The following PPAT variants were observed in gnomAD, a reference collection of about 807,000 sequenced individuals.
PPAT encodes the protein amidophosphoribosyltransferase.
A neutral mutation model predicts 60.2 loss-of-function variants in PPAT; 20 were observed. The ratio of observed to expected loss-of-function variants is 0.33; its 90% CI spans 0.23 to 0.48. PPAT has a LOEUF of 0.48. Ranked by LOEUF, PPAT falls within the 20% of genes least tolerant of loss-of-function variation. The probability of loss-of-function intolerance (pLI) is 0.99; values close to 1 mark genes in which losing one functional copy is unlikely to be tolerated. For missense variants in PPAT, 349 were observed against 629.6 expected, an observed-to-expected ratio of 0.55 and a Z score of 4.77; for synonymous variants, 194 against 215.1, an observed-to-expected ratio of 0.90 and a Z score of 0.86.
chr4:56,432,775 G>A (rs1407239008), intron 1 of PPAT, among the ~76,000 whole-genome samples: 7 of 132,946 alleles, frequency 5.3e-5, no homozygotes, highest in Non-Finnish European at 6.4e-5. Context: ...GGGAGACAGC[G>A]AGACTCTGTC....
chr4:56,420,844 C>T (rs1323998943), intron 1 of PPAT: 2 of 152,178 alleles, frequency 1.3e-5, no homozygotes, highest in Admixed American at 6.5e-5. Context: ...ACAGTACATA[C>T]ACACTAAGAC....
At chr4:56,434,698 TTTCCAGATGCACTG>T (rs1717801886) in intron 1 of PPAT, among the ~76,000 whole-genome samples, 1 of 152,238 alleles carries the variant, frequency 6.6e-6, no homozygotes, top group South Asian at 2.1e-4. Context: ...CAATGAATCT[TTTCCAGATGCACTG>T]TTCCCTATGG....
intron 1 of PPAT, 144 bp from the exon 2 acceptor site, chr4:56,407,860 A>G: frequency 4.7e-6 from 3 of 640,476 alleles, no homozygotes; most frequent in Non-Finnish European, 5.7e-6. Context: ...CACTACTTCT[A>G]TTGATGATGC....
At chr4:56,401,769 A>G (rs1716118234) in intron 6 of PPAT, among the ~76,000 whole-genome samples, 1 of 152,112 alleles carries the variant, frequency 6.6e-6, no homozygotes, top group Admixed American at 6.5e-5. Flanking sequence ...CCTGGCTTAC[A>G]TTTTTCTGTC....
At chr4:56,419,790 C>T in intron 1 of PPAT, 3 of 984,896 alleles carry the variant, frequency 3.0e-6, no homozygotes, top group Non-Finnish European at 3.6e-6. Context: ...GATATTTCAA[C>T]AAATTGCAGC....
intron 2 of PPAT, 136 bp from the exon 3 acceptor site, chr4:56,406,837 C>CT: frequency 1.4e-6 from 1 of 705,096 alleles, no homozygotes; most frequent in Admixed American, 3.0e-5. Context: ...GAATTCTAAT[C>CT]TAAAAAAAAG....
chr4:56,426,060 C>T (rs6818283), intron 1 of PPAT, among the ~76,000 whole-genome samples: 51,620 of 151,976 alleles, frequency 0.34, 9,374 homozygotes, highest in Non-Finnish European at 0.41. Context: ...CACAGTTATA[C>T]AATAATCACC....
chr4:56,403,283 G>A lies in PPAT; in HGVS notation c.515+6C>T, dbSNP rs777900414. On this transcript the variant is annotated splice_donor_region_variant and intron_variant, in intron 4 of 10. Coordinates refer to ENST00000264220, the MANE Select transcript of PPAT (RefSeq NM_002703.5). Reference sequence around the variant, plus strand: ...AGCTCTAAGTTTAGTCCAGTTCTCTGCTTACCTGGCTACCCAGTCTGGGGT... The same window carrying A: ...AGCTCTAAGTTTAGTCCAGTTCTCTACTTACCTGGCTACCCAGTCTGGGGT... 2 of 1,608,328 alleles carry A rather than the reference G, an allele frequency of 1.2e-6. No individual in the cohort carries two copies. Among genetic ancestry groups the A allele is most frequent in the Non-Finnish European group, 1.7e-6 (2 of 1,174,786 alleles).
In PPAT at chr4:56,406,674, T is replaced by C. The variant is rs1488393916; in HGVS notation, c.223A>G (p.Thr75Ala). 3 of 1,611,720 alleles carry C rather than the reference T, an allele frequency of 1.9e-6. No homozygotes were observed. Among genetic ancestry groups the C allele is most frequent in the Non-Finnish European group, 2.5e-6 (3 of 1,178,038 alleles). ...KGMGLVNHVFTEDNLKKLYVS... is the reference protein window; with the variant it reads ...KGMGLVNHVFAEDNLKKLYVS... ...TATAATTTTTTCAAATTGTCTTCAG[T>C]AAAGACGTGATTTACAAGACCCATT... Residue 75 changes from threonine to alanine, a missense_variant, in exon 3 of 11, where the codon ACT (threonine) becomes GCT (alanine). Physicochemically the swap from Thr to Ala is moderately conservative, Grantham distance 58 (BLOSUM62 0). Around this residue, in one of 5 missense-constraint regions of PPAT, gnomAD observed 115 missense variants for 174.5 expected, o/e 0.66. Transcript: ENST00000264220.
intron 2 of PPAT, among the ~76,000 whole-genome samples, chr4:56,406,936 C>T (rs1716256438): frequency 6.6e-6 from 1 of 152,026 alleles, no homozygotes; most frequent in Non-Finnish European, 1.5e-5. Context: ...TAAAATTAAC[C>T]ATTCTAAAAA....
At chr4:56,415,783 TA>T in intron 1 of PPAT, among the ~76,000 whole-genome samples, 1 of 152,124 alleles carries the variant, frequency 6.6e-6, no homozygotes, top group East Asian at 1.9e-4. Flanking sequence ...ACACCACATT[TA>T]AAAATTGTAA....
At chr4:56,431,522 T>C (rs1263335538) in intron 1 of PPAT, 2 of 981,726 alleles carry the variant, frequency 2.0e-6, no homozygotes, top group Admixed American at 6.2e-5. Flanking sequence ...AGAATGTTTC[T>C]GCAGACAGAA....
At chr4:56,435,218 C>G in intron 1 of PPAT, 132 bp downstream of exon 1, 1 of 1,345,362 alleles carries the variant, frequency 7.4e-7, no homozygotes, top group Non-Finnish European at 1.0e-6. Context: ...GTCGACGCCA[C>G]AGGCAGGTAC....
chr4:56,395,628 A>G (rs1328673824), intron 10 of PPAT, 80 bp from the exon 11 acceptor site: 1 of 1,044,038 alleles, frequency 9.6e-7, no homozygotes, highest in African/African-American at 1.7e-5. Flanking sequence ...AATAGTTACA[A>G]ACAGAATAAT....
In PPAT at chr4:56,414,848, T is replaced by A. The variant is rs573624389; in HGVS notation, c.129-7132A>T. Reference sequence around the variant, plus strand: ...CATAACTCCAGATTTTTATTTTCCCTGTTTTCAACCAAATCTAAAACATTC... The same window carrying A: ...CATAACTCCAGATTTTTATTTTCCCAGTTTTCAACCAAATCTAAAACATTC... On this transcript the variant is annotated intron_variant, in intron 1 of 10. Transcript: ENST00000264220. Among the ~76,000 whole-genome samples the A allele has an allele frequency of 2.6e-5, 4 of 152,348 alleles. No individual in the cohort carries two copies. The South Asian group carries it at 8.3e-4, about 32-fold the overall frequency.
intron 1 of PPAT, chr4:56,414,242 T>A (rs1716607956): frequency 6.6e-6 from 1 of 152,242 alleles, no homozygotes; most frequent in Non-Finnish European, 1.5e-5. Flanking sequence ...GAATTTTTAT[T>A]GGTGTGTGAT....
Position 56,395,550 on chromosome 4 carries a change from T to TA in PPAT, c.1358-3dup. On this transcript the variant is annotated splice_polypyrimidine_tract_variant and splice_region_variant and intron_variant, in intron 10 of 10. Coordinates refer to ENST00000264220, the MANE Select transcript of PPAT (RefSeq NM_002703.5). ...ACAGATACACAACACTGTTTGCTCC[T>TA]AAAGAAAGAGGGAAAAATAAAAATG... The TA allele has an allele frequency of 6.6e-7, 1 of 1,517,330 alleles. No homozygotes were observed. Among genetic ancestry groups the TA allele is most frequent in the Non-Finnish European group, 8.8e-7 (1 of 1,140,352 alleles). 94.0% of individuals were successfully genotyped at this position (1,517,330 alleles called of 1,614,324 possible). A position where few individuals can be genotyped will look rare whatever the true frequency, so the allele number is the denominator to read the frequency against.
chr4:56,432,997 T>TTATATATATATA (rs370961590), intron 1 of PPAT, among the ~76,000 whole-genome samples: 1 of 148,436 alleles, frequency 6.7e-6, no homozygotes, highest in African/African-American at 2.5e-5. Context: ...CACACGTATT[T>TTATATATATATA]TATATATATA....
chr4:56,399,530 A>C, intron 8 of PPAT, 130 bp from the exon 9 acceptor site: 2 of 752,724 alleles, frequency 2.7e-6, no homozygotes, highest in South Asian at 2.1e-5. Flanking sequence ...ATTTGGAAAA[A>C]AGGCAAAAAG....
Sources: gnomAD v4.1 joint callset for allele counts (sites outside exome capture counted in the v4.1 genomes callset) on GRCh38, gnomAD v4.1.1 for gene constraint, gnomAD v4.1.1 regional missense constraint, MANE v1.5 for transcripts, NCBI Gene and HGNC (gene_info 2026-07-23, HGNC 2026-07-21) for gene names.